Variants in PHF20L1 observed in about 807,000 individuals in gnomAD.
PHF20L1 encodes the protein PHD finger protein 20 like 1.
PHF20L1 carries 44 observed loss-of-function variants against 125.5 expected under a neutral mutation model. That is an observed-to-expected ratio of 0.35 (90% CI 0.28 to 0.45). PHF20L1 has a LOEUF of 0.45. Among genes scored for constraint, PHF20L1 ranks in the 20% least tolerant of loss-of-function variants. The pLI, the probability that PHF20L1 is intolerant of heterozygous loss-of-function variation, is 1.00. For missense variants in PHF20L1, 1,012 were observed against 1,217.2 expected (o/e 0.83, Z 2.51); for synonymous variants, 380 against 403.1 (o/e 0.94, Z 0.69).
chr8:132,810,554 A>T (rs954126633), intron 8 of PHF20L1: 1 of 154,788 alleles, frequency 6.5e-6, no homozygotes, highest in Admixed American at 6.4e-5. Context: ...CTGGACACAC[A>T]TAAAGCTTAG....
chr8:132,794,052 C>T (rs1257542897), intron 2 of PHF20L1, among the ~76,000 whole-genome samples: 2 of 152,046 alleles, frequency 1.3e-5, no homozygotes, highest in South Asian at 2.1e-4. Context: ...AGATGGTTTC[C>T]ACTTTATTTG....
chr8:132,792,967 T>TC (rs200018375), intron 2 of PHF20L1, among the ~76,000 whole-genome samples: 1,737 of 143,106 alleles, frequency 0.012, 33 homozygotes, highest in African/African-American at 0.043. Flanking sequence ...CTTTTTTCTT[T>TC]TTTTTTTTTT....
intron 12 of PHF20L1, chr8:132,817,921 T>C: frequency 6.3e-6 from 1 of 158,838 alleles, no homozygotes; most frequent in Non-Finnish European, 1.4e-5. Flanking sequence ...AGGATTTTGA[T>C]AGAATTTAAT....
intron 6 of PHF20L1, 152 bp downstream of exon 6, chr8:132,799,324 G>A (rs1832771810): frequency 1.9e-6 from 1 of 539,568 alleles, no homozygotes. Context: ...CCTTTAAAAG[G>A]CGCTTACCTG....
At position 132,848,464 on chromosome 8, in the gene PHF20L1, A is replaced by G. The variant is rs1838566019; in HGVS notation, c.*2541A>G. ...AGTCTTTTTAAATATCACTATATGT[A>G]TTTAAATAGAAGCAATAAACTAGAG... On this transcript the variant is annotated 3_prime_UTR_variant, in exon 21 of 21. Coordinates refer to ENST00000395386, the MANE Select transcript of PHF20L1 (RefSeq NM_016018.5). The G allele has an allele frequency of 1.3e-5, 2 of 152,546 alleles. No individual in the cohort carries two copies. The highest frequency in any genetic ancestry group is 2.9e-5 in the Non-Finnish European group (2 of 67,976). 9.4% of individuals were successfully genotyped at this position (152,546 alleles called of 1,614,324 possible). A position where few individuals can be genotyped will look rare whatever the true frequency, so the allele number is the denominator to read the frequency against.
chr8:132,808,467 TGAAAG>T (rs1439118900), intron 8 of PHF20L1: 1 of 152,070 alleles, frequency 6.6e-6, no homozygotes, highest in Non-Finnish European at 1.5e-5. Context: ...ACCACCTGTG[TGAAAG>T]GAAACAAAGT....
Position 132,816,978 on chromosome 8 carries a change from A to T in PHF20L1, c.1274A>T (p.Asp425Val). 6.2e-7 allele frequency: 1 copy of T among 1,611,298 alleles called. No homozygotes were observed. Among genetic ancestry groups the T allele is most frequent in the Non-Finnish European group, 8.5e-7 (1 of 1,178,212 alleles). ...CGTTTAGCCACCTTACCCATGCCTGATGATTCTGTAGAAAAGGTTTCTTCT... is the reference window on the plus strand; with the variant it reads ...CGTTTAGCCACCTTACCCATGCCTGTTGATTCTGTAGAAAAGGTTTCTTCT... ...SQRLATLPMP[D>V]DSVEKVSSPS... is the part of the protein sequence containing the mutation. The change falls in exon 11 of 21, where the codon GAT becomes GTT. Residue 425 changes from aspartate (D) to valine (V), a missense_variant. By Grantham distance (152) the Asp-to-Val change is radical. This residue lies in a region of PHF20L1 where 119 missense variants were observed against 160.2 expected (regional missense o/e 0.74). Coordinates refer to ENST00000395386, the MANE Select transcript of PHF20L1 (RefSeq NM_016018.5).
intron 2 of PHF20L1, among the ~76,000 whole-genome samples, chr8:132,781,352 CCTTAT>C (rs1220493542): frequency 6.6e-5 from 10 of 152,028 alleles, no homozygotes; most frequent in African/African-American, 2.4e-4. Context: ...CAGAAAGATA[CCTTAT>C]CTTTGAAAAT....
rs977439995 is a variant in PHF20L1, at chr8:132,837,917, G to C, written c.2191+106G>C. ...CCACCACTACAGCAAGTTCTCACAT[G>C]ATGTCATTGATAGGTTCTTGGAAAC... On this transcript the variant is annotated intron_variant, in intron 17 of 20. Transcript: ENST00000395386. The C allele has an allele frequency of 2.6e-5, 19 of 729,326 alleles. No individual in the cohort carries two copies. In the African/African-American group the frequency reaches 3.0e-4, roughly 11 times the overall value. 45.2% of individuals were successfully genotyped at this position (729,326 alleles called of 1,614,324 possible).
At chr8:132,843,711 A>G in intron 19 of PHF20L1, 4 of 984,482 alleles carry the variant, frequency 4.1e-6, no homozygotes, top group Non-Finnish European at 4.8e-6. Context: ...ACTGTACTAT[A>G]ACAGTAAAGT....
rs938122251 is a variant in PHF20L1, at chr8:132,847,611, G to A, written c.*1688G>A. 4 of 152,400 alleles carry A rather than the reference G, an allele frequency of 2.6e-5. No homozygotes were observed. Among genetic ancestry groups the A allele is most frequent in the Admixed American group, 2.6e-4 (4 of 15,244 alleles). 9.4% of individuals were successfully genotyped at this position (152,400 alleles called of 1,614,324 possible). A position where few individuals can be genotyped will look rare whatever the true frequency, so the allele number is the denominator to read the frequency against. On this transcript the variant is annotated 3_prime_UTR_variant, in exon 21 of 21. Transcript: ENST00000395386. ...CTAAAATTTCAGCTTGCCTTTTTGC[G>A]GCCTTATATTTTGATGTAAAGATTA...
intron 10 of PHF20L1, chr8:132,816,670 C>G (rs970537411): frequency 2.2e-6 from 1 of 458,390 alleles, no homozygotes; most frequent in Non-Finnish European, 3.9e-6. Context: ...TCTTTTAGTT[C>G]TAGTAGAGTG....
At chr8:132,825,186 A>G in intron 13 of PHF20L1, 78 bp from the exon 14 acceptor site, 1 of 1,571,674 alleles carries the variant, frequency 6.4e-7, no homozygotes, top group South Asian at 1.1e-5. Flanking sequence ...TAAAACATAA[A>G]TGCTGCTTTT....
chr8:132,820,199 T>G (rs985189628), intron 12 of PHF20L1, among the ~76,000 whole-genome samples: 13 of 151,830 alleles, frequency 8.6e-5, no homozygotes, highest in African/African-American at 3.1e-4. Flanking sequence ...TATTTTACTA[T>G]CAGGATGCTT....
chr8:132,794,268 T>G (rs1832130024), intron 2 of PHF20L1, 142 bp from the exon 3 acceptor site: 2 of 551,664 alleles, frequency 3.6e-6, no homozygotes, highest in Non-Finnish European at 6.4e-6. Context: ...CAGAGTTTTT[T>G]GGTTAGTTTT....
chr8:132,824,189 A>G (rs1835906019), intron 13 of PHF20L1, 129 bp downstream of exon 13: 2 of 560,492 alleles, frequency 3.6e-6, no homozygotes, highest in Middle Eastern at 2.7e-4. Context: ...TTTAGTTCCT[A>G]CTAGTGTTAG....
chr8:132,813,511 C>G (rs146849137), intron 9 of PHF20L1, among the ~76,000 whole-genome samples: 1 of 151,878 alleles, frequency 6.6e-6, no homozygotes, highest in Admixed American at 6.6e-5. Flanking sequence ...AGAAAATGAT[C>G]GTTCATATTC....
At chr8:132,804,537 C>A in intron 7 of PHF20L1, 78 bp from the exon 8 acceptor site, 1 of 1,111,554 alleles carries the variant, frequency 9.0e-7, no homozygotes, top group Non-Finnish European at 1.3e-6. Flanking sequence ...AGCATTTTTA[C>A]TATTTTGCTG....
intron 2 of PHF20L1, among the ~76,000 whole-genome samples, chr8:132,794,009 T>C (rs1832096503): frequency 6.6e-6 from 1 of 152,222 alleles, no homozygotes; most frequent in Non-Finnish European, 1.5e-5. Context: ...TGTGTAGCTG[T>C]AGACAGTCTT....
Sources: gnomAD v4.1 joint callset for allele counts (sites outside exome capture counted in the v4.1 genomes callset) on GRCh38, gnomAD v4.1.1 for gene constraint, gnomAD v4.1.1 regional missense constraint, MANE v1.5 for transcripts, NCBI Gene and HGNC (gene_info 2026-07-23, HGNC 2026-07-21) for gene names.